Variants in CCNB3 observed in about 807,000 individuals in gnomAD.
CCNB3 encodes cyclin B3.
In CCNB3, 12 loss-of-function variants were observed where a neutral mutation model predicts 68.0. The observed-to-expected ratio is 0.18, with a 90% CI of 0.11 to 0.29. CCNB3 has a LOEUF of 0.29. Among genes scored for constraint, CCNB3 ranks in the 10% least tolerant of loss-of-function variants. The pLI, the probability that CCNB3 is intolerant of heterozygous loss-of-function variation, is 1.00. For synonymous variants in CCNB3, 354 were observed against 388.9 expected (o/e 0.91, Z 1.06); for missense variants, 904 against 993.1 (o/e 0.91, Z 1.21).
At chrX:50,227,768 A>ATG (rs1935922666) in intron 1 of CCNB3, among the ~76,000 whole-genome samples, 1 of 88,426 alleles carries the variant, frequency 1.1e-5, no homozygotes, top group African/African-American at 4.2e-5. Flanking sequence ...ATATATAAAT[A>ATG]TATATAGAGA....
At chrX:50,308,419 T>G (rs1329531333) in intron 5 of CCNB3, 86 bp from the exon 6 acceptor site, 1 of 631,793 alleles carries the variant, frequency 1.6e-6, no homozygotes, top group Non-Finnish European at 2.4e-6. Context: ...CTTTCATACC[T>G]TTAGTAAATA....
intron 1 of CCNB3, among the ~76,000 whole-genome samples, chrX:50,227,263 A>G (rs1324902559): frequency 1.2e-5 from 1 of 84,550 alleles, no homozygotes; most frequent in Non-Finnish European, 2.2e-5. Context: ...ATATATAAAT[A>G]TATATACAGA....
At position 50,305,968 on chromosome X, in the gene CCNB3, G is replaced by A. The variant is rs193184122; in HGVS notation, c.336-2537G>A. Among the ~76,000 whole-genome samples the A allele has an allele frequency of 2.5e-3, 202 of 81,053 alleles. 4 individuals are homozygous for A. The East Asian group carries it at 0.031, about 12-fold the overall frequency. The allele number at this position is 81,053 out of a possible 115,157, so 70.4% of individuals were successfully genotyped here. On this transcript the variant is annotated intron_variant, in intron 5 of 12. Coordinates refer to ENST00000376042, the MANE Select transcript of CCNB3 (RefSeq NM_033031.3). Reference sequence around the variant, plus strand: ...TTTTTTTTTTTTTTTTCGTATTTTTGTAGAGACATGGTTTCACTATGTTGG... The same window carrying A: ...TTTTTTTTTTTTTTTTCGTATTTTTATAGAGACATGGTTTCACTATGTTGG...
intron 1 of CCNB3, among the ~76,000 whole-genome samples, chrX:50,214,970 T>A (rs1935547753): frequency 9.2e-6 from 1 of 109,104 alleles, no homozygotes; most frequent in Non-Finnish European, 1.9e-5. Context: ...TTTCCAAGTG[T>A]TTGGAGATTG....
At chrX:50,345,251 C>T (rs2147102882) in intron 9 of CCNB3, among the ~76,000 whole-genome samples, 1 of 109,358 alleles carries the variant, frequency 9.1e-6, no homozygotes, top group East Asian at 2.9e-4. Flanking sequence ...CTTGCTCCCT[C>T]CTCCCTTCCT....
At chrX:50,297,869 A>G (rs1295770711) in intron 5 of CCNB3, among the ~76,000 whole-genome samples, 4 of 111,356 alleles carry the variant, frequency 3.6e-5, no homozygotes, top group Non-Finnish European at 7.5e-5. Flanking sequence ...TTGGATTCCT[A>G]GGTATTTTAT....
At chrX:50,331,876 G>C (rs1922614156) in intron 8 of CCNB3, among the ~76,000 whole-genome samples, 1 of 111,255 alleles carries the variant, frequency 9.0e-6, no homozygotes, top group African/African-American at 3.3e-5. Context: ...GAATCAAGGG[G>C]ATTGGTTATT....
chrX:50,227,931 AATATATATAAATATATAGAGAGAAT>A (rs1935936387), intron 1 of CCNB3, among the ~76,000 whole-genome samples: 1 of 81,250 alleles, frequency 1.2e-5, no homozygotes, highest in African/African-American at 4.8e-5. Flanking sequence ...GTATAGACAG[AATATATATAAATATATAGAGAGAAT>A]ATATATATAA....
chrX:50,321,534 A>G (rs1922013422), intron 8 of CCNB3, among the ~76,000 whole-genome samples: 1 of 111,586 alleles, frequency 9.0e-6, no homozygotes, highest in Non-Finnish European at 1.9e-5. Flanking sequence ...TTCATTATAC[A>G]CTGGTTTGAA....
At chrX:50,311,581 TTTG>T in intron 6 of CCNB3, 85 bp downstream of exon 6, 2 of 734,794 alleles carry the variant, frequency 2.7e-6, no homozygotes, top group Non-Finnish European at 3.8e-6. Flanking sequence ...TTTTTTTTTT[TTTG>T]TTTTTGTTTT....
chrX:50,219,092 C>T (rs1037985554), intron 1 of CCNB3, among the ~76,000 whole-genome samples: 2 of 111,332 alleles, frequency 1.8e-5, no homozygotes, highest in African/African-American at 3.3e-5. Flanking sequence ...CTGTTCATAT[C>T]CTTTGCTCAT....
intron 1 of CCNB3, among the ~76,000 whole-genome samples, chrX:50,221,866 G>A (rs1261324319): frequency 9.0e-6 from 1 of 110,900 alleles, no homozygotes; most frequent in Non-Finnish European, 1.9e-5. Context: ...TATTGACAGT[G>A]GGGTGTTAAA....
rs1557214311 is a variant in CCNB3, at chrX:50,309,723, A to G, written c.1554A>G (p.Ser518=). 1 of 1,210,150 alleles carries G rather than the reference A, an allele frequency of 8.3e-7. No homozygotes were observed. Among genetic ancestry groups the G allele is most frequent in the East Asian group, 3.0e-5 (1 of 33,828 alleles). Residue 518 remains serine (S), a synonymous_variant, in exon 6 of 13, where the codon TCA becomes TCG. Coordinates refer to ENST00000376042, the MANE Select transcript of CCNB3 (RefSeq NM_033031.3). ...TACAGACCACCTCTGGAGAAAAGTC[A>G]CTTATTAAGGAGCCACTGCCCTTTA... is the stretch of plus-strand genomic sequence containing the variant. ...LILQTTSGEK[S]LIKEPLPFKE...
chrX:50,345,960 AG>A (rs1233010159), intron 9 of CCNB3, among the ~76,000 whole-genome samples: 1 of 112,372 alleles, frequency 8.9e-6, no homozygotes, highest in Non-Finnish European at 1.9e-5. Context: ...GAGAAGAATT[AG>A]GGGCCTTCCT....
intron 8 of CCNB3, among the ~76,000 whole-genome samples, chrX:50,318,526 C>T (rs1449259973): frequency 8.9e-6 from 1 of 111,747 alleles, no homozygotes; most frequent in Non-Finnish European, 1.9e-5. Flanking sequence ...ACAACAACAA[C>T]AACAACAAAG....
At chrX:50,226,647 T>C (rs1427305974) in intron 1 of CCNB3, among the ~76,000 whole-genome samples, 34 of 80,774 alleles carry the variant, frequency 4.2e-4, no homozygotes, top group Non-Finnish European at 7.1e-4. Context: ...AATATATATA[T>C]AGAATATATC....
chrX:50,342,428 T>C (rs1475712862), intron 9 of CCNB3, 89 bp downstream of exon 9: 3 of 922,459 alleles, frequency 3.3e-6, no homozygotes, highest in East Asian at 3.3e-5. Flanking sequence ...TTCATTGTTA[T>C]GTGCTGCATA....
At chrX:50,284,892 G>T (rs1394608511) in intron 2 of CCNB3, among the ~76,000 whole-genome samples, 1 of 111,421 alleles carries the variant, frequency 9.0e-6, no homozygotes, top group Non-Finnish European at 1.9e-5. Flanking sequence ...ACCCTGCAGA[G>T]GTAGGTATAC....
chrX:50,288,270 G>A lies in CCNB3; in HGVS notation c.97-510G>A, dbSNP rs370451592. Reference sequence around the variant, plus strand: ...CCTGGTGCCAAAAAGGTTAGGGACCGCTGTTTTAAAAGCTGCTTAACATAA... The same window carrying A: ...CCTGGTGCCAAAAAGGTTAGGGACCACTGTTTTAAAAGCTGCTTAACATAA... On this transcript the variant is annotated intron_variant, in intron 3 of 12. Transcript: ENST00000376042. Among the ~76,000 whole-genome samples the A allele has an allele frequency of 1.3e-4, 14 of 110,250 alleles. No individual in the cohort carries two copies. The East Asian group carries it at 1.4e-3, about 11-fold the overall frequency.
Sources: gnomAD v4.1 joint callset for allele counts (sites outside exome capture counted in the v4.1 genomes callset) on GRCh38, gnomAD v4.1.1 for gene constraint, MANE v1.5 for transcripts, NCBI Gene and HGNC (gene_info 2026-07-23, HGNC 2026-07-21) for gene names.